Variants in NPY2R observed in about 807,000 individuals in gnomAD.
The protein encoded by NPY2R is neuropeptide Y receptor Y2.
A neutral mutation model predicts 22.3 loss-of-function variants in NPY2R; 17 were observed. The ratio of observed to expected loss-of-function variants is 0.76; its 90% confidence interval spans 0.52 to 1.14. The LOEUF (loss-of-function observed/expected upper bound fraction) is 1.14. NPY2R is among the 50% of genes most tolerant of loss of function. The pLI is 0.00. For missense variants in NPY2R, 424 were observed against 467.9 expected, an observed-to-expected ratio of 0.91 and a Z score of 0.87; for synonymous variants, 209 against 183.4, an observed-to-expected ratio of 1.14 and a Z score of -1.13.
chr4:155,185,293 C>T, the NPY2R span, among the ~76,000 whole-genome samples: 1 of 152,138 alleles, frequency 6.6e-6, no homozygotes, highest in Admixed American at 6.6e-5. Context: ...CTGCCTCAGC[C>T]TCCCAAAGTG....
chr4:155,211,313 G>A (rs546970578), intron 1 of NPY2R, among the ~76,000 whole-genome samples: 4 of 152,264 alleles, frequency 2.6e-5, no homozygotes, highest in South Asian at 2.1e-4. Context: ...TGGTACATGC[G>A]GCATTAGAAG....
At chr4:155,195,686 A>G in the NPY2R span, among the ~76,000 whole-genome samples, 3 of 151,948 alleles carry the variant, frequency 2.0e-5, no homozygotes, top group Admixed American at 6.6e-5. Context: ...TTCTGTATGC[A>G]TTCCCTGTTT....
At chr4:155,210,417 C>A (rs1032261866) in intron 1 of NPY2R, among the ~76,000 whole-genome samples, 3 of 152,174 alleles carry the variant, frequency 2.0e-5, no homozygotes, top group African/African-American at 7.2e-5. Context: ...TATACTCTTC[C>A]TCCTAGTAAC....
At chr4:155,174,484 A>ATATATATATATATATATATATATATATTT in the NPY2R span, among the ~76,000 whole-genome samples, 95 of 105,964 alleles carry the variant, frequency 9.0e-4, 2 homozygotes, top group African/African-American at 3.5e-3. Context: ...ATATATATAT[A>ATATATATATATATATATATATATATATTT]TTTTTTTTTT....
the NPY2R span, among the ~76,000 whole-genome samples, chr4:155,175,758 T>C: frequency 3.0e-4 from 45 of 151,252 alleles, no homozygotes; most frequent in Non-Finnish European, 8.8e-5. Flanking sequence ...CAAGTGATAG[T>C]GGTTAAACTG....
chr4:155,193,101 G>A, the NPY2R span, among the ~76,000 whole-genome samples: 1 of 151,846 alleles, frequency 6.6e-6, no homozygotes, highest in African/African-American at 2.4e-5. Flanking sequence ...GAGGAAGGAG[G>A]CAAGATGTCC....
the NPY2R span, among the ~76,000 whole-genome samples, chr4:155,176,727 T>C: frequency 6.6e-6 from 1 of 151,980 alleles, no homozygotes; most frequent in African/African-American, 2.4e-5. Context: ...TTATAAAGAA[T>C]GGGAGTTTAT....
upstream of NPY2R, among the ~76,000 whole-genome samples, chr4:155,205,114 C>A (rs1729255269): frequency 6.6e-6 from 1 of 152,168 alleles, no homozygotes; most frequent in East Asian, 1.9e-4. Context: ...GTTTTACATT[C>A]AAATTAACTA....
rs1198406802 is a variant in NPY2R, at chr4:155,217,049, T to G, written c.*1964T>G. On this transcript the variant is annotated 3_prime_UTR_variant, in exon 2 of 2. Transcript: ENST00000329476. ...AAATACCTTTTATGTAGAGGCTTTA[T>G]GTTGCAATTAAAAAGTTGGGAAAAT... 2 of 166,160 alleles carry G rather than the reference T, an allele frequency of 1.2e-5. No homozygotes were observed. The highest frequency in any genetic ancestry group is 2.9e-5 in the Non-Finnish European group (2 of 68,122). The allele number at this position is 166,160 out of a possible 1,614,324, so 10.3% of individuals were successfully genotyped here.
In NPY2R at chr4:155,214,492, A is replaced by G; in HGVS notation, c.553A>G (p.Ile185Val). The G allele has an allele frequency of 1.2e-6, 2 of 1,614,154 alleles. No homozygotes were observed. The highest frequency in any genetic ancestry group is 1.7e-6 in the Non-Finnish European group (2 of 1,180,006). The change falls in exon 2 of 2, where the codon ATC becomes GTC. Residue 185 changes from isoleucine (I) to valine (V), a missense_variant. Transcript: ENST00000329476. ...TGCCCTGCTGGCAAGTCCCCTGGCC[A>G]TCTTCCGGGAGTATTCGCTGATTGA... The part of the protein sequence containing the change: ...ISALLASPLA[I>V]FREYSLIEII...
Position 155,214,889 on chromosome 4 carries a change from C to T in NPY2R, c.950C>T (p.Ser317Phe), listed in dbSNP as rs1430329178. Residue 317 changes from serine (S) to phenylalanine (F), a missense_variant, in exon 2 of 2, where the codon TCC becomes TTC. Ser to Phe is a radical substitution (Grantham distance 155, BLOSUM62 -2). Coordinates refer to ENST00000329476, the MANE Select transcript of NPY2R (RefSeq NM_000910.4). ...GTGTTCCACATCATCGCCATGTGCT[C>T]CACTTTTGCCAATCCCCTTCTCTAT... is the stretch of plus-strand genomic sequence containing the variant. ...FTVFHIIAMC[S>F]TFANPLLYGW... is the part of the protein sequence containing the mutation. 4 of 1,612,160 alleles carry T rather than the reference C, an allele frequency of 2.5e-6. No individual in the cohort carries two copies. The highest frequency in any genetic ancestry group is 3.4e-6 in the Non-Finnish European group (4 of 1,178,690).
chr4:155,206,055 G>A (rs1729278261), upstream of NPY2R, among the ~76,000 whole-genome samples: 1 of 152,144 alleles, frequency 6.6e-6, no homozygotes, highest in Admixed American at 6.5e-5. Context: ...GCTATAGCAT[G>A]TGTTTTTGTG....
the NPY2R span, among the ~76,000 whole-genome samples, chr4:155,202,686 C>T: frequency 1.3e-5 from 2 of 152,010 alleles, no homozygotes; most frequent in African/African-American, 4.8e-5. Flanking sequence ...CTTTCACTTC[C>T]CCTTTCTCAG....
chr4:155,174,981 T>C, the NPY2R span, among the ~76,000 whole-genome samples: 2 of 152,104 alleles, frequency 1.3e-5, no homozygotes, highest in Admixed American at 6.6e-5. Context: ...GAGAGAAAAT[T>C]TTAAAATCTT....
the NPY2R span, among the ~76,000 whole-genome samples, chr4:155,192,953 G>A: frequency 6.6e-6 from 1 of 151,852 alleles, no homozygotes; most frequent in African/African-American, 2.4e-5. Flanking sequence ...TGGTATGAGT[G>A]TCCATTTTAA....
chr4:155,211,201 A>T (rs544413950), intron 1 of NPY2R, among the ~76,000 whole-genome samples: 10 of 152,282 alleles, frequency 6.6e-5, no homozygotes, highest in African/African-American at 1.9e-4. Flanking sequence ...TATGCTATAT[A>T]GTGTGCTAGG....
the NPY2R span, among the ~76,000 whole-genome samples, chr4:155,186,953 G>A: frequency 5.2e-5 from 6 of 116,056 alleles, no homozygotes; most frequent in Non-Finnish European, 1.0e-4. Context: ...AGTATGAAAA[G>A]TTCAGCTTCT....
chr4:155,183,569 A>C, the NPY2R span, among the ~76,000 whole-genome samples: 1 of 152,142 alleles, frequency 6.6e-6, no homozygotes, highest in Non-Finnish European at 1.5e-5. Context: ...ATCTACATAC[A>C]TTTATGGGCA....
intron 1 of NPY2R, among the ~76,000 whole-genome samples, chr4:155,210,023 T>C (rs1197869402): frequency 6.6e-6 from 1 of 152,244 alleles, no homozygotes; most frequent in Admixed American, 6.5e-5. Context: ...AAGGATTCCC[T>C]TATTCAGGAA....
Sources: allele counts gnomAD v4.1 joint callset (sites outside exome capture counted in the v4.1 genomes callset), GRCh38; gene constraint gnomAD v4.1.1; transcripts MANE v1.5; gene names NCBI Gene and HGNC (gene_info 2026-07-23, HGNC 2026-07-21).